SSH2: variants seen among roughly 807,000 people sequenced by gnomAD.
The protein encoded by SSH2 is protein phosphatase Slingshot homolog 2.
A neutral mutation model predicts 135.2 loss-of-function variants in SSH2; 37 were observed. The observed-to-expected ratio is 0.27, with a 90% CI of 0.21 to 0.36. The LOEUF is 0.36. Ranked by LOEUF, SSH2 falls within the 10% of genes least tolerant of loss-of-function variation. SSH2 has a pLI of 1.00. For synonymous variants in SSH2, 628 were observed against 646.2 expected (o/e 0.97, Z 0.43); for missense variants, 1,408 against 1,765.3 (o/e 0.80, Z 3.63).
At chr17:29,768,005 A>C (rs2041486360) in intron 3 of SSH2, among the ~76,000 whole-genome samples, 1 of 152,146 alleles carries the variant, frequency 6.6e-6, no homozygotes, top group Admixed American at 6.6e-5. Context: ...GACCTGGTAG[A>C]TATTATCAAA....
chr17:29,919,691 T>G (rs1341974198), intron 1 of SSH2, among the ~76,000 whole-genome samples: 1 of 147,286 alleles, frequency 6.8e-6, no homozygotes, highest in Non-Finnish European at 1.5e-5. Context: ...GAATTACACT[T>G]TTTTTTTTTT....
chr17:29,901,702 T>TCCTC (rs998023837), intron 1 of SSH2, among the ~76,000 whole-genome samples: 4 of 151,226 alleles, frequency 2.6e-5, no homozygotes, highest in Admixed American at 1.3e-4. Context: ...CCCACTCCCT[T>TCCTC]CCTCCCTCCC....
At chr17:29,664,802 G>GT (rs2037204138) in intron 11 of SSH2, among the ~76,000 whole-genome samples, 1 of 152,114 alleles carries the variant, frequency 6.6e-6, no homozygotes, top group African/African-American at 2.4e-5. Context: ...AAATTAGATT[G>GT]TTTTTTCTGC....
chr17:29,915,936 C>T lies in SSH2; in HGVS notation c.63+14002G>A, dbSNP rs933359284. 7.3e-5 allele frequency among the ~76,000 whole-genome samples: 11 copies of T among 150,742 alleles called. No homozygotes were observed. The East Asian group carries it at 1.4e-3, about 19-fold the overall frequency. On this transcript the variant is annotated intron_variant, in intron 1 of 15. Transcript: ENST00000540801. Reference sequence around the variant, plus strand: ...TGTTGGTGTGCTGCACCCATTAACTCGTCATTTACATTAGGTATATCTCCT... The same window carrying T: ...TGTTGGTGTGCTGCACCCATTAACTTGTCATTTACATTAGGTATATCTCCT...
intron 2 of SSH2, 61 bp from the exon 3 acceptor site, chr17:29,793,998 T>G (rs1469542877): frequency 2.5e-6 from 3 of 1,211,338 alleles, no homozygotes; most frequent in Non-Finnish European, 3.6e-6. Flanking sequence ...ATAATATCAC[T>G]AATATAATTT....
At chr17:29,697,722 A>G (rs987972299) in intron 4 of SSH2, among the ~76,000 whole-genome samples, 1 of 152,182 alleles carries the variant, frequency 6.6e-6, no homozygotes, top group Admixed American at 6.5e-5. Flanking sequence ...GCTTCTGACC[A>G]ATTAATTCCA....
intron 2 of SSH2, among the ~76,000 whole-genome samples, chr17:29,794,697 T>C (rs1313447565): frequency 6.6e-6 from 1 of 152,220 alleles, no homozygotes; most frequent in Non-Finnish European, 1.5e-5. Context: ...ATAACTTATG[T>C]CAATTTAGAC....
rs766714489 is a variant in SSH2 at position 29,632,512 on chromosome 17, C to T, written c.2682G>A (p.Arg894=). 1.5e-5 allele frequency: 24 copies of T among 1,614,174 alleles called. No homozygotes were observed. Among genetic ancestry groups the T allele is most frequent in the Non-Finnish European group, 2.0e-5 (24 of 1,180,012 alleles). ...GCTCTTCGAACTCCAAGGTGGCTCG[C>T]CTCACAGACCCAGGGTACCACTTGG... ...PGAKWYPGSV[R]RATLEFEERL... Residue 894 remains arginine (R), a synonymous_variant, in exon 16 of 16, where the codon AGG becomes AGA. Coordinates refer to ENST00000540801, the MANE Select transcript of SSH2 (RefSeq NM_001282129.2).
intron 2 of SSH2, among the ~76,000 whole-genome samples, chr17:29,818,186 A>AT (rs1456500683): frequency 6.7e-6 from 1 of 150,036 alleles, no homozygotes; most frequent in Non-Finnish European, 1.5e-5. Context: ...TTGTATTGCT[A>AT]TTTTTTAAAT....
chr17:29,713,361 C>A (rs1357357450), intron 3 of SSH2, among the ~76,000 whole-genome samples: 1 of 152,052 alleles, frequency 6.6e-6, no homozygotes, highest in South Asian at 2.1e-4. Flanking sequence ...CAAAACCCCC[C>A]CAAAGAAAAC....
chr17:29,789,585 G>A lies in SSH2; in HGVS notation c.188+4309C>T, dbSNP rs1019808949. On this transcript the variant is annotated intron_variant, in intron 3 of 15. Transcript: ENST00000540801. ...TCTCATCACACCCACCATGGGTGGC[G>A]ATCAGGGAGCAGGCTGTCTTCACTT... 3.3e-5 allele frequency among the ~76,000 whole-genome samples: 5 copies of A among 152,166 alleles called. No individual in the cohort carries two copies. The East Asian group carries it at 7.7e-4, about 23-fold the overall frequency.
intron 3 of SSH2, among the ~76,000 whole-genome samples, chr17:29,729,724 C>G (rs979254065): frequency 1.3e-5 from 2 of 152,186 alleles, no homozygotes; most frequent in African/African-American, 2.4e-5. Context: ...GAGGTCCTGT[C>G]TTTTGCAACA....
At chr17:29,635,640 C>A (rs1487022804) in intron 15 of SSH2, among the ~76,000 whole-genome samples, 1 of 151,984 alleles carries the variant, frequency 6.6e-6, no homozygotes, top group Non-Finnish European at 1.5e-5. Flanking sequence ...GATCTCCTGA[C>A]CTTGTGATCC....
intron 3 of SSH2, among the ~76,000 whole-genome samples, chr17:29,763,734 G>T (rs1427086109): frequency 6.6e-6 from 1 of 152,168 alleles, no homozygotes; most frequent in Non-Finnish European, 1.5e-5. Context: ...TCATAAATAT[G>T]TATCTTGTCT....
At chr17:29,820,710 GA>G (rs1164530335) in intron 2 of SSH2, among the ~76,000 whole-genome samples, 1 of 152,114 alleles carries the variant, frequency 6.6e-6, no homozygotes, top group Admixed American at 6.6e-5. Context: ...CATGCACACT[GA>G]ATTTCTGATA....
intron 3 of SSH2, among the ~76,000 whole-genome samples, chr17:29,741,934 C>CTTT (rs71138848): frequency 1.5e-4 from 15 of 97,900 alleles, no homozygotes; most frequent in East Asian, 2.7e-4. Context: ...ATTTTTTTTT[C>CTTT]TTTTTTTTTT....
intron 1 of SSH2, among the ~76,000 whole-genome samples, chr17:29,915,705 G>A (rs1367575905): frequency 6.6e-6 from 1 of 151,604 alleles, no homozygotes; most frequent in Non-Finnish European, 1.5e-5. Flanking sequence ...GGTGCTCCAG[G>A]GTCATCACAA....
intron 14 of SSH2, among the ~76,000 whole-genome samples, chr17:29,642,105 A>C (rs1396191836): frequency 6.6e-6 from 1 of 152,134 alleles, no homozygotes; most frequent in Non-Finnish European, 1.5e-5. Flanking sequence ...AAGATTATTT[A>C]ACTGGAAAGC....
chr17:29,908,160 A>C (rs2066691493), intron 1 of SSH2, among the ~76,000 whole-genome samples: 1 of 151,942 alleles, frequency 6.6e-6, no homozygotes, highest in Admixed American at 6.6e-5. Flanking sequence ...TAAATTTTTC[A>C]CTAAACATTT....
Sources: gnomAD v4.1 joint callset for allele counts (sites outside exome capture counted in the v4.1 genomes callset) on GRCh38, gnomAD v4.1.1 for gene constraint, MANE v1.5 for transcripts, NCBI Gene and HGNC (gene_info 2026-07-23, HGNC 2026-07-21) for gene names.